The following ARAP2 variants were observed in gnomAD, a reference collection of about 807,000 sequenced individuals.
ARAP2 encodes ArfGAP with RhoGAP domain, ankyrin repeat and PH domain 2.
ARAP2 carries 148 observed loss-of-function variants against 194.5 expected under a neutral mutation model. The ratio of observed to expected loss-of-function variants is 0.76; its 90% CI spans 0.67 to 0.87. ARAP2 has a LOEUF of 0.87. ARAP2 is among the 40% of genes least tolerant of loss of function. ARAP2 has a pLI of 0.00. For missense variants in ARAP2, 2,128 were observed against 1,989.7 expected (o/e 1.07, Z -1.32); for synonymous variants, 695 against 683.5 (o/e 1.02, Z -0.26).
At chr4:36,102,980 T>A (rs567786630) in intron 27 of ARAP2, among the ~76,000 whole-genome samples, 31 of 151,932 alleles carry the variant, frequency 2.0e-4, no homozygotes, top group Admixed American at 3.9e-4. Context: ...ACTTTTAATA[T>A]CTTGTACATC....
At chr4:36,107,879 A>C (rs1718837549) in intron 26 of ARAP2, among the ~76,000 whole-genome samples, 186 bp from the exon 27 acceptor site, 1 of 151,992 alleles carries the variant, frequency 6.6e-6, no homozygotes, top group South Asian at 2.1e-4. Context: ...AAGACCTAGA[A>C]AATTATTAAG....
intron 8 of ARAP2, among the ~76,000 whole-genome samples, chr4:36,013,387 A>G (rs1027366846): frequency 1.3e-5 from 2 of 152,224 alleles, no homozygotes; most frequent in African/African-American, 4.8e-5. Context: ...AGAAGAATCT[A>G]CTAAAAAGGG....
At chr4:36,130,124 T>C (rs1725058726) in intron 20 of ARAP2, among the ~76,000 whole-genome samples, 1 of 151,958 alleles carries the variant, frequency 6.6e-6, no homozygotes, top group Non-Finnish European at 1.5e-5. Context: ...TCCCATATGC[T>C]ATTATTTGTG....
At chr4:36,020,738 T>A (rs13117501) in intron 5 of ARAP2, among the ~76,000 whole-genome samples, 1 of 151,774 alleles carries the variant, frequency 6.6e-6, no homozygotes, top group Non-Finnish European at 1.5e-5. Context: ...GACTGCAGAG[T>A]GGGTGATGGA....
chr4:36,077,492 T>C (rs183651019), intron 31 of ARAP2, among the ~76,000 whole-genome samples: 7 of 152,206 alleles, frequency 4.6e-5, no homozygotes, highest in Admixed American at 2.0e-4. Context: ...TTTCCTGGCA[T>C]GTGACAAGGA....
In ARAP2 at chr4:36,066,164, G is replaced by A. The variant is rs1418800564; in HGVS notation, c.*1743C>T. On this transcript the variant is annotated 3_prime_UTR_variant, in exon 33 of 33. Coordinates refer to ENST00000303965, the MANE Select transcript of ARAP2 (RefSeq NM_015230.4). ...TTTCAAGAAGAATTCAGATAAGGCA[G>A]GTAAAAACTCTAGATACTTTTCCAC... 1.3e-5 allele frequency: 2 copies of A among 152,066 alleles called. No individual in the cohort carries two copies. The highest frequency in any genetic ancestry group is 1.9e-4 in the East Asian group (1 of 5,192). The allele number at this position is 152,066 out of a possible 1,614,324, so 9.4% of individuals were successfully genotyped here.
chr4:36,014,295 A>AAGAAAGAAAGAAGAGAAGAGAAG (rs1553861836), intron 8 of ARAP2, among the ~76,000 whole-genome samples: 1 of 143,254 alleles, frequency 7.0e-6, no homozygotes, highest in African/African-American at 2.7e-5. Context: ...GAAAGAAAGA[A>AAGAAAGAAAGAAGAGAAGAGAAG]AGAAGAGAAG....
intron 6 of ARAP2, among the ~76,000 whole-genome samples, chr4:36,206,879 A>C (rs1475931836): frequency 6.6e-6 from 1 of 152,238 alleles, no homozygotes; most frequent in Non-Finnish European, 1.5e-5. Flanking sequence ...TTAAAAAAAG[A>C]GGAATTTCCC....
chr4:36,114,692 A>G (rs1720905346), intron 25 of ARAP2, among the ~76,000 whole-genome samples: 1 of 152,018 alleles, frequency 6.6e-6, no homozygotes, highest in Admixed American at 6.6e-5. Flanking sequence ...TCTAAATTAT[A>G]CACAGTCAAT....
rs1201856113 is a variant in ARAP2 at position 36,066,334 on chromosome 4, C to T, written c.*1573G>A. 6.6e-6 allele frequency: 1 copy of T among 152,062 alleles called. No individual in the cohort carries two copies. The highest frequency in any genetic ancestry group is 1.5e-5 in the Non-Finnish European group (1 of 68,006). The allele number at this position is 152,062 out of a possible 1,614,324, so 9.4% of individuals were successfully genotyped here. A position where few individuals can be genotyped will look rare whatever the true frequency, so the allele number is the denominator to read the frequency against. On this transcript the variant is annotated 3_prime_UTR_variant, in exon 33 of 33. Transcript: ENST00000303965. ...TTTAAAGGAAGATTCCCTAATAGTG[C>T]CACCTATTTCATAAACTGTCCTGCA...
At position 36,071,670 on chromosome 4, in the gene ARAP2, A is replaced by AT. The variant is rs201540912; in HGVS notation, c.4743+2018dup. 6.2e-4 allele frequency among the ~76,000 whole-genome samples: 86 copies of AT among 138,564 alleles called. 2 individuals carry two copies. The highest frequency in any genetic ancestry group is 7.5e-3 in the Middle Eastern group (2 of 268). The allele number at this position is 138,564 out of a possible 152,430, so 90.9% of individuals were successfully genotyped here. ...GATTTTTATTAATATATAATACTTA[A>AT]TTTTTTTTTGAGTTTTTTTTTAATT... On this transcript the variant is annotated intron_variant, in intron 32 of 32. Coordinates refer to ENST00000303965, the MANE Select transcript of ARAP2 (RefSeq NM_015230.4).
At chr4:36,187,404 T>C in intron 8 of ARAP2, 47 bp downstream of exon 8, 1 of 1,065,576 alleles carries the variant, frequency 9.4e-7, no homozygotes. Context: ...ATTAATATGA[T>C]TAGTCAGAAA....
At position 36,073,730 on chromosome 4, in the gene ARAP2, G is replaced by T. The variant is rs1171277973; in HGVS notation, c.4702C>A (p.Gln1568Lys). 6.2e-7 allele frequency: 1 copy of T among 1,613,086 alleles called. No homozygotes were observed. The highest frequency in any genetic ancestry group is 8.5e-7 in the Non-Finnish European group (1 of 1,179,422). Residue 1568 changes from glutamine to lysine, a missense_variant, in exon 32 of 33, where the codon CAG becomes AAG. Physicochemically the swap from Gln to Lys is moderately conservative, Grantham distance 53 (BLOSUM62 1). Coordinates refer to ENST00000303965, the MANE Select transcript of ARAP2 (RefSeq NM_015230.4). The part of the protein sequence containing the change: ...KIGGLPLIPI[Q>K]HEGNATLARK... ...GCCAAGGTTGCATTCCCCTCATGCT[G>T]TATAGGAATCAGAGGCAAACCTCCA...
intron 9 of ARAP2, among the ~76,000 whole-genome samples, chr4:36,010,405 C>G (rs761930852): frequency 6.6e-6 from 1 of 152,082 alleles, no homozygotes; most frequent in Non-Finnish European, 1.5e-5. Context: ...TTTCCAGAGT[C>G]ACCCTGACCA....
intron 31 of ARAP2, among the ~76,000 whole-genome samples, chr4:36,074,561 C>T (rs576079352): frequency 1.3e-5 from 2 of 152,096 alleles, no homozygotes; most frequent in East Asian, 3.9e-4. Flanking sequence ...GAATTTTGTA[C>T]TCCCCAGGGT....
At chr4:36,036,055 C>T (rs979451549) in intron 5 of ARAP2, among the ~76,000 whole-genome samples, 1 of 152,062 alleles carries the variant, frequency 6.6e-6, no homozygotes, top group African/African-American at 2.4e-5. Flanking sequence ...GTCTTGCTGT[C>T]TTGCAAAGCA....
intron 5 of ARAP2, among the ~76,000 whole-genome samples, chr4:36,023,135 A>AGAC (rs896093232): frequency 6.6e-6 from 1 of 152,182 alleles, no homozygotes; most frequent in African/African-American, 2.4e-5. Context: ...ATCACCCCAC[A>AGAC]GACAAGATAT....
At chr4:36,211,106 C>A (rs1320683607) in intron 5 of ARAP2, among the ~76,000 whole-genome samples, 1 of 152,100 alleles carries the variant, frequency 6.6e-6, no homozygotes, top group Non-Finnish European at 1.5e-5. Context: ...CTCTGGGCAA[C>A]ATGACGGACC....
intron 2 of ARAP2, among the ~76,000 whole-genome samples, chr4:36,226,642 C>T (rs1332259192): frequency 6.6e-6 from 1 of 152,162 alleles, no homozygotes; most frequent in East Asian, 1.9e-4. Context: ...ACATAAAACT[C>T]ATATTACTTG....
Sources: gnomAD v4.1 joint callset for allele counts (sites outside exome capture counted in the v4.1 genomes callset) on GRCh38, gnomAD v4.1.1 for gene constraint, MANE v1.5 for transcripts, NCBI Gene and HGNC (gene_info 2026-07-23, HGNC 2026-07-21) for gene names.